MPDZ: variants seen among roughly 807,000 people sequenced by gnomAD.
The protein encoded by MPDZ is multiple PDZ domain protein.
In MPDZ, 234 loss-of-function variants were observed where a neutral mutation model predicts 239.1. The observed-to-expected ratio is 0.98, with a 90% CI of 0.88 to 1.09. The LOEUF (loss-of-function observed/expected upper bound fraction) is 1.09. Ranked by LOEUF, MPDZ falls within the 50% of genes least tolerant of loss-of-function variation. The probability of loss-of-function intolerance (pLI) is 0.00; values close to 1 mark genes in which losing one functional copy is unlikely to be tolerated. For synonymous variants in MPDZ, 1,048 were observed against 881.3 expected, an observed-to-expected ratio of 1.19 and a Z score of -3.35; for missense variants, 3,175 against 2,510.0, an observed-to-expected ratio of 1.26 and a Z score of -5.66.
rs760522883 is a variant in MPDZ, at chr9:13,125,260, A to G, written c.4763T>C (p.Leu1588Pro). 1 of 1,612,606 alleles carries G rather than the reference A, an allele frequency of 6.2e-7. No individual in the cohort carries two copies. Among genetic ancestry groups the G allele is most frequent in the East Asian group, 2.2e-5 (1 of 44,832 alleles). Residue 1588 changes from leucine to proline, a missense_variant, in exon 35 of 47, where the codon CTG (leucine) becomes CCG (proline). Leu to Pro is a moderately conservative substitution (Grantham distance 98). Transcript: ENST00000319217. ...TGGGGAGCCAGACTGTGGGACCATCAGAGACTGGGAGCTGTTCTTTTTTTC... is the reference window on the plus strand; with the variant it reads ...TGGGGAGCCAGACTGTGGGACCATCGGAGACTGGGAGCTGTTCTTTTTTTC... ...SGEKKNSSQS[L>P]MVPQSGSPEP...
intron 22 of MPDZ, chr9:13,165,380 C>T (rs1235501180): frequency 1.9e-6 from 3 of 1,549,516 alleles, no homozygotes; most frequent in Admixed American, 2.0e-5. Context: ...TAAAAGGGGG[C>T]TCGATCGTCA....
chr9:13,248,684 T>A (rs1394334955), intron 2 of MPDZ, among the ~76,000 whole-genome samples: 1 of 151,784 alleles, frequency 6.6e-6, no homozygotes, highest in African/African-American at 2.4e-5. Context: ...AAAGTGGGAA[T>A]CAGTGGGGCG....
Position 13,268,895 on chromosome 9 carries a change from G to A in MPDZ, c.-58+10505C>T, listed in dbSNP as rs561202556. Among the ~76,000 whole-genome samples, 3 of 152,252 alleles carry A rather than the reference G, an allele frequency of 2.0e-5. No homozygotes were observed. The East Asian group carries it at 5.8e-4, about 29-fold the overall frequency. On this transcript the variant is annotated intron_variant, in intron 1 of 46. Coordinates refer to ENST00000319217, the MANE Select transcript of MPDZ (RefSeq NM_001378778.1). ...GGACATTGGGGAGGGAGTTTGGAGG[G>A]TACAGGGATTACAGGGATAGAGAAA...
At chr9:13,262,020 G>C (rs545767293) in intron 1 of MPDZ, among the ~76,000 whole-genome samples, 1 of 151,408 alleles carries the variant, frequency 6.6e-6, no homozygotes, top group Non-Finnish European at 1.5e-5. Flanking sequence ...ACTCCAGCCT[G>C]GGCAACAGAA....
chr9:13,246,227 C>T (rs925040120), intron 3 of MPDZ, among the ~76,000 whole-genome samples: 6 of 152,118 alleles, frequency 3.9e-5, no homozygotes, highest in Non-Finnish European at 8.8e-5. Flanking sequence ...GCGGATAGAT[C>T]ATTTGAGGTC....
chr9:13,183,994 A>G (rs574771198), intron 18 of MPDZ, among the ~76,000 whole-genome samples: 8 of 152,184 alleles, frequency 5.3e-5, no homozygotes, highest in African/African-American at 1.9e-4. Flanking sequence ...TGAGGCAGCT[A>G]GGCAATTATA....
intron 1 of MPDZ, among the ~76,000 whole-genome samples, chr9:13,273,427 A>T (rs2139385973): frequency 6.6e-6 from 1 of 152,358 alleles, no homozygotes; most frequent in East Asian, 1.9e-4. Context: ...TCCCTGAAGC[A>T]AGGTATCCTA....
intron 2 of MPDZ, 110 bp downstream of exon 2, chr9:13,250,190 T>A: frequency 2.0e-6 from 2 of 1,018,624 alleles, no homozygotes; most frequent in Non-Finnish European, 1.4e-6. Context: ...ACTTTTTAAA[T>A]CTAGATACCA....
At chr9:13,185,336 G>C (rs1240674378) in intron 18 of MPDZ, among the ~76,000 whole-genome samples, 1 of 152,028 alleles carries the variant, frequency 6.6e-6, no homozygotes, top group African/African-American at 2.4e-5. Flanking sequence ...TGTATATATA[G>C]TCAAAGAAAT....
At chr9:13,107,952 C>T (rs1250562441) in intron 46 of MPDZ, among the ~76,000 whole-genome samples, 1 of 152,074 alleles carries the variant, frequency 6.6e-6, no homozygotes, top group East Asian at 1.9e-4. Flanking sequence ...TATTCACTAG[C>T]AAATGCTGTT....
intron 12 of MPDZ, among the ~76,000 whole-genome samples, chr9:13,203,773 C>G (rs55726833): frequency 0.059 from 7,370 of 125,340 alleles, 221 homozygotes; most frequent in Middle Eastern, 0.086. Context: ...CACACACACA[C>G]AGAGAGAGAA....
chr9:13,121,140 G>A lies in MPDZ; in HGVS notation c.5231+599C>T, dbSNP rs140198320. ...CGCATTCACTATTCCATTACCACCC[G>A]GGCCCCCTGCTTTAGGCCCTGTTGA... On this transcript the variant is annotated intron_variant, in intron 38 of 46. Transcript: ENST00000319217. Among the ~76,000 whole-genome samples, 506 of 152,186 alleles carry A rather than the reference G, an allele frequency of 3.3e-3. 4 individuals are homozygous for A. Among genetic ancestry groups the A allele is most frequent in the Non-Finnish European group, 5.8e-3 (396 of 68,016 alleles).
chr9:13,251,128 C>CAAAA (rs150252589), intron 1 of MPDZ, among the ~76,000 whole-genome samples: 5 of 36,414 alleles, frequency 1.4e-4, no homozygotes, highest in African/African-American at 2.3e-4. Context: ...GACTCCATCT[C>CAAAA]AAAAAAAAAA....
intron 17 of MPDZ, among the ~76,000 whole-genome samples, chr9:13,188,346 C>T (rs1396425570): frequency 1.3e-5 from 2 of 151,936 alleles, no homozygotes; most frequent in Non-Finnish European, 2.9e-5. Flanking sequence ...GGTGAAACTC[C>T]GTCTCCACTA....
chr9:13,184,228 T>G (rs1362793289), intron 18 of MPDZ, among the ~76,000 whole-genome samples: 1 of 152,026 alleles, frequency 6.6e-6, no homozygotes, highest in African/African-American at 2.4e-5. Flanking sequence ...CTACATATTC[T>G]CTAATAATCC....
At chr9:13,116,435 C>G (rs1394480153) in intron 39 of MPDZ, among the ~76,000 whole-genome samples, 1 of 152,106 alleles carries the variant, frequency 6.6e-6, no homozygotes, top group Admixed American at 6.5e-5. Flanking sequence ...ATATTGGGCA[C>G]TGATATTATT....
chr9:13,121,974 T>C (rs1243976036), intron 37 of MPDZ, 42 bp from the exon 38 acceptor site: 1 of 1,600,414 alleles, frequency 6.2e-7, no homozygotes, highest in African/African-American at 1.3e-5. Flanking sequence ...ACATGAGAAG[T>C]AAAGGAGAGT....
At chr9:13,208,345 G>A (rs967289659) in intron 10 of MPDZ, among the ~76,000 whole-genome samples, 1 of 151,990 alleles carries the variant, frequency 6.6e-6, no homozygotes, top group African/African-American at 2.4e-5. Flanking sequence ...TCAGGAGGCT[G>A]AGTTGAGAGG....
At chr9:13,209,070 G>A (rs947588328) in intron 10 of MPDZ, among the ~76,000 whole-genome samples, 1 of 152,136 alleles carries the variant, frequency 6.6e-6, no homozygotes, top group Non-Finnish European at 1.5e-5. Flanking sequence ...ATCTCTGTAT[G>A]TGTGGGAATA....
Sources: gnomAD v4.1 joint callset for allele counts (sites outside exome capture counted in the v4.1 genomes callset) on GRCh38, gnomAD v4.1.1 for gene constraint, MANE v1.5 for transcripts, NCBI Gene and HGNC (gene_info 2026-07-23, HGNC 2026-07-21) for gene names.